Variants in GPC5 observed in about 807,000 individuals in gnomAD.
GPC5 encodes the protein glypican 5.
A neutral mutation model predicts 53.9 loss-of-function variants in GPC5; 47 were observed. That is an observed-to-expected ratio of 0.87 (90% CI 0.69 to 1.11). The LOEUF is 1.11. GPC5 is among the 50% of genes most tolerant of loss of function. The pLI, the probability that GPC5 is intolerant of heterozygous loss-of-function variation, is 0.00. For synonymous variants in GPC5, 286 were observed against 263.3 expected, an observed-to-expected ratio of 1.09 and a Z score of -0.84; for missense variants, 748 against 713.1, an observed-to-expected ratio of 1.05 and a Z score of -0.56.
At chr13:91,751,070 A>ATTTATCTATTTATCTAT (rs1343523480) in intron 4 of GPC5, among the ~76,000 whole-genome samples, 1 of 152,134 alleles carries the variant, frequency 6.6e-6, no homozygotes, top group African/African-American at 2.4e-5. Flanking sequence ...CCCTGGTTCT[A>ATTTATCTATTTATCTAT]CTATTTATCA....
At chr13:91,562,502 C>A (rs539600156) in intron 2 of GPC5, among the ~76,000 whole-genome samples, 1 of 152,036 alleles carries the variant, frequency 6.6e-6, no homozygotes, top group African/African-American at 2.4e-5. Flanking sequence ...CTCACTCTGT[C>A]GCCCAGGTTG....
chr13:91,560,893 G>T (rs1176465617), intron 2 of GPC5, among the ~76,000 whole-genome samples: 1 of 152,114 alleles, frequency 6.6e-6, no homozygotes, highest in East Asian at 1.9e-4. Context: ...CAATGGCACA[G>T]AACTCTGTGG....
chr13:91,548,417 C>G (rs1278209417), intron 2 of GPC5, among the ~76,000 whole-genome samples: 1 of 152,062 alleles, frequency 6.6e-6, no homozygotes, highest in Non-Finnish European at 1.5e-5. Flanking sequence ...ATATGTACAG[C>G]TCTATATAAG....
At chr13:92,613,375 ATATATT>A (rs1566320244) in intron 7 of GPC5, among the ~76,000 whole-genome samples, 2 of 77,134 alleles carry the variant, frequency 2.6e-5, no homozygotes, top group African/African-American at 9.3e-5. Flanking sequence ...TTATATATAA[ATATATT>A]ATATTATATA....
chr13:92,757,946 T>C (rs932256993), intron 7 of GPC5, among the ~76,000 whole-genome samples: 6 of 151,236 alleles, frequency 4.0e-5, no homozygotes, highest in Non-Finnish European at 5.9e-5. Context: ...GATCTAGAAC[T>C]GGAAATACCA....
intron 6 of GPC5, among the ~76,000 whole-genome samples, chr13:92,044,416 C>T (rs1594741295): frequency 6.6e-6 from 1 of 152,250 alleles, no homozygotes; most frequent in South Asian, 2.1e-4. Flanking sequence ...GATTGGGGAG[C>T]CATAGAATCA....
chr13:92,432,806 C>T (rs9584028), intron 7 of GPC5, among the ~76,000 whole-genome samples: 5 of 151,996 alleles, frequency 3.3e-5, no homozygotes, highest in Admixed American at 1.3e-4. Context: ...CAATTAACCT[C>T]TAAGTAGCAT....
intron 7 of GPC5, among the ~76,000 whole-genome samples, chr13:92,422,533 A>ACACACACACCC (rs35563055): frequency 5.4e-4 from 66 of 122,166 alleles, no homozygotes; most frequent in African/African-American, 2.5e-3. Context: ...CACACACACA[A>ACACACACACCC]CTTCTTGGAA....
intron 7 of GPC5, among the ~76,000 whole-genome samples, chr13:92,829,075 C>T (rs144208126): frequency 4.9e-4 from 75 of 152,252 alleles, no homozygotes; most frequent in African/African-American, 1.7e-3. Context: ...CCTTCTCATA[C>T]AGCAAAGAAT....
intron 2 of GPC5, among the ~76,000 whole-genome samples, chr13:91,568,982 T>C (rs906528049): frequency 6.6e-6 from 1 of 152,042 alleles, no homozygotes; most frequent in Non-Finnish European, 1.5e-5. Flanking sequence ...AACTCTTGAC[T>C]TCAGGTGATC....
intron 7 of GPC5, among the ~76,000 whole-genome samples, chr13:92,822,744 T>C (rs768523423): frequency 1.3e-5 from 2 of 152,052 alleles, no homozygotes; most frequent in Admixed American, 6.6e-5. Context: ...AATAAATTAA[T>C]GATATGAAAA....
intron 7 of GPC5, among the ~76,000 whole-genome samples, chr13:92,179,609 T>C (rs2139033643): frequency 6.6e-6 from 1 of 152,362 alleles, no homozygotes; most frequent in Admixed American, 6.5e-5. Context: ...GGCATAGCAC[T>C]TGCTCATAAT....
intron 5 of GPC5, among the ~76,000 whole-genome samples, chr13:91,820,824 G>A (rs1461767897): frequency 8.5e-5 from 13 of 152,222 alleles, no homozygotes; most frequent in South Asian, 2.1e-4. Context: ...TTAGCCGGGC[G>A]TGGTGGTGGG....
intron 2 of GPC5, among the ~76,000 whole-genome samples, chr13:91,665,505 C>CTTTTTTTTTTTTCT (rs371605806): frequency 8.2e-5 from 12 of 146,190 alleles, no homozygotes; most frequent in East Asian, 2.0e-4. Context: ...AAAAGCCAGT[C>CTTTTTTTTTTTTCT]TTTTTTTTTT....
chr13:92,511,303 T>C (rs1323421383), intron 7 of GPC5, among the ~76,000 whole-genome samples: 1 of 152,228 alleles, frequency 6.6e-6, no homozygotes, highest in African/African-American at 2.4e-5. Context: ...TTCTGCATTC[T>C]GGGAAAGTAT....
At chr13:92,562,856 G>C (rs1425126894) in intron 7 of GPC5, among the ~76,000 whole-genome samples, 2 of 151,928 alleles carry the variant, frequency 1.3e-5, no homozygotes, top group African/African-American at 4.8e-5. Flanking sequence ...AAAAATATCT[G>C]GTGATTGCTT....
chr13:91,505,482 C>G (rs925898938), intron 2 of GPC5, among the ~76,000 whole-genome samples: 1 of 152,138 alleles, frequency 6.6e-6, no homozygotes, highest in African/African-American at 2.4e-5. Flanking sequence ...CATGATGTGA[C>G]TTTGTCCCCT....
At chr13:91,957,558 C>A (rs1475945463) in intron 6 of GPC5, among the ~76,000 whole-genome samples, 1 of 152,044 alleles carries the variant, frequency 6.6e-6, no homozygotes, top group East Asian at 1.9e-4. Flanking sequence ...GTAAAAATAG[C>A]AAGAGAAAAG....
At chr13:91,579,468 A>C (rs1413658796) in intron 2 of GPC5, among the ~76,000 whole-genome samples, 2 of 152,044 alleles carry the variant, frequency 1.3e-5, no homozygotes, top group East Asian at 3.8e-4. Context: ...ATGGAATCAC[A>C]CTGGACTCAC....
Sources: gnomAD v4.1 joint callset for allele counts (sites outside exome capture counted in the v4.1 genomes callset) on GRCh38, gnomAD v4.1.1 for gene constraint, MANE v1.5 for transcripts, NCBI Gene and HGNC (gene_info 2026-07-23, HGNC 2026-07-21) for gene names.